The following CIP2A variants were observed in gnomAD, a reference collection of about 807,000 sequenced individuals.
CIP2A encodes protein CIP2A.
In CIP2A, 103 loss-of-function variants were observed where a neutral mutation model predicts 110.9. The ratio of observed to expected loss-of-function variants is 0.93; its 90% CI spans 0.79 to 1.09. The LOEUF is 1.09. Among genes scored for constraint, CIP2A ranks in the 50% least tolerant of loss-of-function variants. The probability of loss-of-function intolerance (pLI) is 0.00; values close to 1 mark genes in which losing one functional copy is unlikely to be tolerated. For synonymous variants in CIP2A, 381 were observed against 361.6 expected (o/e 1.05, Z -0.61); for missense variants, 1,088 against 1,038.4 (o/e 1.05, Z -0.66).
chr3:108,570,328 T>C (rs921468754), intron 8 of CIP2A, among the ~76,000 whole-genome samples: 2 of 152,160 alleles, frequency 1.3e-5, no homozygotes, highest in Non-Finnish European at 2.9e-5. Context: ...ATCAACTTGA[T>C]AGTATCTGAA....
At chr3:108,588,840 C>T (rs1037668198) in intron 1 of CIP2A, among the ~76,000 whole-genome samples, 2 of 152,114 alleles carry the variant, frequency 1.3e-5, no homozygotes, top group East Asian at 1.9e-4. Context: ...TGAGTTCAAC[C>T]CGAGTTCAAG....
chr3:108,577,260 T>C (rs1219757140), intron 7 of CIP2A, among the ~76,000 whole-genome samples: 1 of 152,144 alleles, frequency 6.6e-6, no homozygotes, highest in Non-Finnish European at 1.5e-5. Flanking sequence ...TCACCTTGAA[T>C]GCAATGGTAG....
chr3:108,574,822 GTCA>G (rs1938513719), intron 8 of CIP2A: 1 of 154,110 alleles, frequency 6.5e-6, no homozygotes, highest in African/African-American at 2.4e-5. Context: ...CAGTGGCCAA[GTCA>G]TCATGTCCAT....
chr3:108,558,331 T>G (rs529721833), intron 16 of CIP2A, among the ~76,000 whole-genome samples: 4 of 152,278 alleles, frequency 2.6e-5, no homozygotes, highest in East Asian at 3.9e-4. Flanking sequence ...GTCACTTATT[T>G]TGATGCATCT....
At chr3:108,582,245 A>C (rs768381633) in intron 3 of CIP2A, 43 bp from the exon 4 acceptor site, 2 of 825,548 alleles carry the variant, frequency 2.4e-6, no homozygotes, top group Non-Finnish European at 3.8e-6. Flanking sequence ...ATATAAAAAC[A>C]TTGCCTGCTT....
rs754404518 is a variant in CIP2A at position 108,563,238 on chromosome 3, G to C, written c.1522C>G (p.Arg508Gly). The C allele has an allele frequency of 3.8e-6, 6 of 1,599,610 alleles. No individual in the cohort carries two copies. Among genetic ancestry groups the C allele is most frequent in the Non-Finnish European group, 5.1e-6 (6 of 1,167,278 alleles). Reference sequence around the variant, plus strand: ...GCAAAAGCCAAAGGAGTAATCAAACGTGGGTCCTAAATAAATCAGAAACCA... The same window carrying C: ...GCAAAAGCCAAAGGAGTAATCAAACCTGGGTCCTAAATAAATCAGAAACCA... The part of the protein sequence containing the change: ...VSFYKILQDP[R>G]LITPLAFALT... Residue 508 changes from arginine (R) to glycine (G), a missense_variant, in exon 13 of 21, where the codon CGT becomes GGT. Arg to Gly is a moderately radical substitution (Grantham distance 125). Coordinates refer to ENST00000295746, the MANE Select transcript of CIP2A (RefSeq NM_020890.3).
chr3:108,581,287 G>C, intron 5 of CIP2A, 128 bp downstream of exon 5: 1 of 645,928 alleles, frequency 1.5e-6, no homozygotes, highest in Non-Finnish European at 2.7e-6. Context: ...TCTTAATTTT[G>C]ATGGGTCATC....
intron 13 of CIP2A, among the ~76,000 whole-genome samples, chr3:108,562,397 T>C (rs1938035730): frequency 6.6e-6 from 1 of 152,168 alleles, no homozygotes; most frequent in South Asian, 2.1e-4. Context: ...AACAGATGCC[T>C]GTCCACTGGC....
intron 1 of CIP2A, among the ~76,000 whole-genome samples, chr3:108,588,468 C>A (rs1043842492): frequency 6.6e-6 from 1 of 150,530 alleles, no homozygotes; most frequent in Non-Finnish European, 1.5e-5. Flanking sequence ...AAATTTTTGG[C>A]ACATTAGTCT....
At chr3:108,553,598 A>G (rs1937655106) in intron 19 of CIP2A, 50 bp downstream of exon 19, 1 of 1,486,686 alleles carries the variant, frequency 6.7e-7, no homozygotes, top group Middle Eastern at 1.8e-4. Flanking sequence ...TCATGCTTCC[A>G]AAATAAATAC....
At chr3:108,554,324 T>G in intron 18 of CIP2A, 52 bp downstream of exon 18, 1 of 719,710 alleles carries the variant, frequency 1.4e-6, no homozygotes, top group South Asian at 1.7e-5. Flanking sequence ...AAGGGAATCA[T>G]TTTGTTTTTG....
rs571700556 is a variant in CIP2A at position 108,566,556 on chromosome 3, T to C, written c.1356A>G (p.Gln452=). 1.1e-5 allele frequency: 18 copies of C among 1,608,364 alleles called. No individual in the cohort carries two copies. Among genetic ancestry groups the C allele is most frequent in the African/African-American group, 4.0e-5 (3 of 74,704 alleles). ...TVKCTTLIEQ[Q]FTYGKIDLGF... ...CCAGGTCAATCTTGCCATATGTAAA[T>C]TGTTGTTCTATAAGAGTGGTACACT... Residue 452 remains glutamine, a synonymous_variant, in exon 11 of 21, where the codon CAA becomes CAG. Transcript: ENST00000295746.
At chr3:108,569,724 CTT>C (rs1051100214) in intron 8 of CIP2A, 117 bp from the exon 9 acceptor site, 7 of 777,766 alleles carry the variant, frequency 9.0e-6, no homozygotes, top group African/African-American at 7.1e-5. Context: ...TAAAACAAAA[CTT>C]AAGTTTTTTC....
At chr3:108,553,579 C>A in intron 19 of CIP2A, 69 bp downstream of exon 19, 1 of 1,355,122 alleles carries the variant, frequency 7.4e-7, no homozygotes. Context: ...AAAAAGCAAA[C>A]AAAACCACTC....
rs13320710 is a variant in CIP2A at position 108,557,292 on chromosome 3, T to C, written c.2136A>G (p.Gln712=). ...CCACAGACTCTAACTTCCTATTATG[T>C]TGAAAGAGATGCTCAATATCACTCT... ...RAQSDIEHLF[Q]HNRKLESVAE... The change falls in exon 17 of 21, where the codon CAA becomes CAG. Residue 712 remains glutamine (Q), a synonymous_variant. Transcript: ENST00000295746. The C allele has an allele frequency of 3.5e-3, 5,570 of 1,611,604 alleles. 185 individuals carry two copies. In the African/African-American group the frequency reaches 0.066, roughly 19 times the overall value.
intron 10 of CIP2A, among the ~76,000 whole-genome samples, chr3:108,566,934 G>C (rs1433832480): frequency 1.3e-5 from 2 of 151,744 alleles, no homozygotes; most frequent in East Asian, 3.9e-4. Flanking sequence ...AATATTTATT[G>C]AATAAGGGTA....
intron 8 of CIP2A, among the ~76,000 whole-genome samples, chr3:108,570,094 C>A (rs1938333511): frequency 6.6e-6 from 1 of 152,032 alleles, no homozygotes; most frequent in Non-Finnish European, 1.5e-5. Flanking sequence ...CCTTAGCTCT[C>A]CTACTGTACC....
At position 108,588,139 on chromosome 3, in the gene CIP2A, C is replaced by T. The variant is rs189787589; in HGVS notation, c.102+1135G>A. Reference sequence around the variant, plus strand: ...AAAGGTAATGCTTCAGAATAGCATACAAAATGCTTAACTCCCGATTTTTAA... The same window carrying T: ...AAAGGTAATGCTTCAGAATAGCATATAAAATGCTTAACTCCCGATTTTTAA... On this transcript the variant is annotated intron_variant, in intron 1 of 20. Transcript: ENST00000295746. 3.9e-3 allele frequency among the ~76,000 whole-genome samples: 598 copies of T among 152,286 alleles called. 3 individuals are homozygous for T. Among genetic ancestry groups the T allele is most frequent in the Non-Finnish European group, 4.7e-3 (321 of 68,026 alleles).
Position 108,560,648 on chromosome 3 carries a change from C to T in CIP2A, c.1827+1G>A, listed in dbSNP as rs1937975460. 1.9e-6 allele frequency: 3 copies of T among 1,591,968 alleles called. No homozygotes were observed. The highest frequency in any genetic ancestry group is 2.6e-6 in the Non-Finnish European group (3 of 1,167,126). ...GTTATAATTGCTATTTTTTCACTCA[C>T]CACCATTCCAGACTGAAGTTTCTCT... On this transcript the variant is annotated splice_donor_variant, in intron 14 of 20. Transcript: ENST00000295746. LOFTEE classifies it high-confidence loss of function.
Sources: gnomAD v4.1 joint callset for allele counts (sites outside exome capture counted in the v4.1 genomes callset) on GRCh38, gnomAD v4.1.1 for gene constraint, MANE v1.5 for transcripts, NCBI Gene and HGNC (gene_info 2026-07-23, HGNC 2026-07-21) for gene names.